Variants in SLC44A5 observed in about 807,000 individuals in gnomAD.
The protein encoded by SLC44A5 is solute carrier family 44 member 5.
A neutral mutation model predicts 101.8 loss-of-function variants in SLC44A5; 57 were observed. That is an observed-to-expected ratio of 0.56 (90% CI 0.45 to 0.70). The LOEUF (loss-of-function observed/expected upper bound fraction) is 0.70. Ranked by LOEUF, SLC44A5 falls within the 30% of genes least tolerant of loss-of-function variation. SLC44A5 has a pLI of 0.00. For synonymous variants in SLC44A5, 281 were observed against 290.9 expected (o/e 0.97, Z 0.35); for missense variants, 737 against 853.1 (o/e 0.86, Z 1.70).
the SLC44A5 span, among the ~76,000 whole-genome samples, chr1:75,687,177 T>G: frequency 8.6e-4 from 131 of 152,262 alleles, no homozygotes; most frequent in African/African-American, 3.0e-3. Flanking sequence ...AGGTTTCACC[T>G]AGGACCTCAT....
intron 3 of SLC44A5, among the ~76,000 whole-genome samples, chr1:75,375,463 T>A (rs1455412041): frequency 2.0e-5 from 3 of 152,208 alleles, no homozygotes; most frequent in Non-Finnish European, 4.4e-5. Context: ...GAAGTTGACA[T>A]GTAAGTTCAA....
At chr1:75,479,646 T>A (rs1169085034) in intron 2 of SLC44A5, among the ~76,000 whole-genome samples, 1 of 152,026 alleles carries the variant, frequency 6.6e-6, no homozygotes, top group African/African-American at 2.4e-5. Flanking sequence ...AACTAGAAAA[T>A]CTAGAAGAAA....
intron 4 of SLC44A5, among the ~76,000 whole-genome samples, chr1:75,327,418 A>G (rs1312361059): frequency 6.6e-6 from 1 of 152,242 alleles, no homozygotes. Flanking sequence ...TATCATGTTT[A>G]GACTTAAAAA....
chr1:75,609,974 A>C (rs1675556554), intron 1 of SLC44A5, among the ~76,000 whole-genome samples: 1 of 152,056 alleles, frequency 6.6e-6, no homozygotes. Context: ...AAATTCAGTC[A>C]GATGTTGGCT....
In SLC44A5 at chr1:75,314,454, C is replaced by T. The variant is rs144113416; in HGVS notation, c.102-13769G>A. Among the ~76,000 whole-genome samples, 154 of 152,272 alleles carry T rather than the reference C, an allele frequency of 1.0e-3. 3 individuals are homozygous for T. The East Asian group carries it at 0.028, about 27-fold the overall frequency. On this transcript the variant is annotated intron_variant, in intron 4 of 23. Transcript: ENST00000370859. ...CAAGACTTGCAGACTTTCACATTTG[C>T]TTCATCTTTCAGTTACTGGAAAAAT...
chr1:75,426,161 GAT>G (rs1246233169), intron 2 of SLC44A5, among the ~76,000 whole-genome samples: 2 of 152,202 alleles, frequency 1.3e-5, no homozygotes, highest in Non-Finnish European at 2.9e-5. Flanking sequence ...AGTTGATTAA[GAT>G]AGGGTTACAC....
In SLC44A5 at chr1:75,488,216, G is replaced by A. The variant is rs1351204576; in HGVS notation, c.13+53219C>T. ...AAATGAAATGCCAAATGAATATAAT[G>A]TGCTTGGATCATCCCAAAACCATTC... On this transcript the variant is annotated intron_variant, in intron 2 of 23. Coordinates refer to ENST00000370859, the MANE Select transcript of SLC44A5 (RefSeq NM_001130058.2). Among the ~76,000 whole-genome samples the A allele has an allele frequency of 2.0e-5, 3 of 152,150 alleles. No homozygotes were observed. The East Asian group carries it at 5.8e-4, about 29-fold the overall frequency.
intron 2 of SLC44A5, among the ~76,000 whole-genome samples, chr1:75,418,423 A>G (rs1663795634): frequency 6.6e-6 from 1 of 152,244 alleles, no homozygotes; most frequent in African/African-American, 2.4e-5. Flanking sequence ...CTATGGCAGA[A>G]TATAACAGGG....
At chr1:75,511,019 T>C (rs911372834) in intron 2 of SLC44A5, among the ~76,000 whole-genome samples, 8 of 152,132 alleles carry the variant, frequency 5.3e-5, no homozygotes, top group African/African-American at 1.9e-4. Context: ...GGCAGGAGCC[T>C]GTAGTCCCAG....
At chr1:75,527,390 G>A (rs1354185591) in intron 2 of SLC44A5, among the ~76,000 whole-genome samples, 4 of 148,534 alleles carry the variant, frequency 2.7e-5, no homozygotes, top group Middle Eastern at 3.4e-3. Flanking sequence ...ATATCCTCCT[G>A]TATGGGTCAG....
chr1:75,448,846 G>A (rs1219347530), intron 2 of SLC44A5, among the ~76,000 whole-genome samples: 2 of 151,958 alleles, frequency 1.3e-5, no homozygotes, highest in Non-Finnish European at 2.9e-5. Flanking sequence ...TTATTCTTAG[G>A]AATCCTTGAC....
At chr1:75,362,364 G>T (rs933899184) in intron 3 of SLC44A5, among the ~76,000 whole-genome samples, 10 of 150,458 alleles carry the variant, frequency 6.6e-5, no homozygotes, top group African/African-American at 2.2e-4. Flanking sequence ...TCCTACTTTT[G>T]TGAAGTCAGA....
At position 75,222,568 on chromosome 1, in the gene SLC44A5, C is replaced by A; in HGVS notation, c.986-108G>T. On this transcript the variant is annotated intron_variant, in intron 13 of 23. Coordinates refer to ENST00000370859, the MANE Select transcript of SLC44A5 (RefSeq NM_001130058.2). Reference sequence around the variant, plus strand: ...TTATGATTATTTCTGCCAATTCTGACACCTCATAATCTAAGAAGTGTTATC... The same window carrying A: ...TTATGATTATTTCTGCCAATTCTGAAACCTCATAATCTAAGAAGTGTTATC... The A allele has an allele frequency of 6.1e-6, 4 of 651,086 alleles. No individual in the cohort carries two copies. The South Asian group carries it at 7.5e-5, about 12-fold the overall frequency. The allele number at this position is 651,086 out of a possible 1,614,324, so 40.3% of individuals were successfully genotyped here.
chr1:75,699,188 C>T, the SLC44A5 span, among the ~76,000 whole-genome samples: 23 of 151,676 alleles, frequency 1.5e-4, no homozygotes, highest in African/African-American at 4.1e-4. Context: ...AGCAACTCCA[C>T]GACACATAAT....
chr1:75,602,107 G>A (rs1431367011), intron 1 of SLC44A5, among the ~76,000 whole-genome samples: 1 of 152,080 alleles, frequency 6.6e-6, no homozygotes, highest in African/African-American at 2.4e-5. Flanking sequence ...ACCATTTACT[G>A]CTGTTAAAAA....
chr1:75,632,762 T>C, the SLC44A5 span, among the ~76,000 whole-genome samples: 1 of 152,186 alleles, frequency 6.6e-6, no homozygotes, highest in Admixed American at 6.5e-5. Flanking sequence ...TGTTCATAAG[T>C]TAGTCCTTCT....
At chr1:75,648,550 GGGGAGGAAGAAGGGAA>G in the SLC44A5 span, among the ~76,000 whole-genome samples, 7 of 152,196 alleles carry the variant, frequency 4.6e-5, no homozygotes, top group African/African-American at 1.7e-4. Flanking sequence ...ATAGTCCTCA[GGGGAGGAAGAAGGGAA>G]GGTCAGAGAG....
At chr1:75,214,211 A>C (rs1646916655) in intron 20 of SLC44A5, among the ~76,000 whole-genome samples, 1 of 152,106 alleles carries the variant, frequency 6.6e-6, no homozygotes. Flanking sequence ...GGAGCCCTGC[A>C]GTGGTGGTGT....
chr1:75,649,533 C>T, the SLC44A5 span, among the ~76,000 whole-genome samples: 811 of 151,954 alleles, frequency 5.3e-3, 8 homozygotes, highest in African/African-American at 0.019. Context: ...ACCAGGAGAC[C>T]TGATCTAATC....
Sources: gnomAD v4.1 joint callset for allele counts (sites outside exome capture counted in the v4.1 genomes callset) on GRCh38, gnomAD v4.1.1 for gene constraint, MANE v1.5 for transcripts, NCBI Gene and HGNC (gene_info 2026-07-23, HGNC 2026-07-21) for gene names.